PDE6C: variants seen among roughly 807,000 people sequenced by gnomAD.
The protein encoded by PDE6C is phosphodiesterase 6C, also known as cone cGMP-specific 3',5'-cyclic phosphodiesterase subunit alpha'.
PDE6C carries 75 observed loss-of-function variants against 113.1 expected under a neutral mutation model. The ratio of observed to expected loss-of-function variants is 0.66; its 90% CI spans 0.55 to 0.80. The LOEUF is 0.80. PDE6C is among the 30% of genes least tolerant of loss of function. The pLI, the probability that PDE6C is intolerant of heterozygous loss-of-function variation, is 0.00. For synonymous variants in PDE6C, 375 were observed against 363.7 expected (o/e 1.03, Z -0.35); for missense variants, 912 against 1,038.6 (o/e 0.88, Z 1.67).
At chr10:93,651,437 C>T (rs1422502171) in intron 15 of PDE6C, among the ~76,000 whole-genome samples, 1 of 152,186 alleles carries the variant, frequency 6.6e-6, no homozygotes, top group Admixed American at 6.5e-5. Flanking sequence ...GCATGTCTTA[C>T]ATGGTGGCAG....
chr10:93,628,830 C>T (rs765075597), intron 7 of PDE6C, among the ~76,000 whole-genome samples: 10 of 152,150 alleles, frequency 6.6e-5, no homozygotes, highest in Non-Finnish European at 1.5e-4. Flanking sequence ...CTGGCTGTTT[C>T]CTCCTGCCTC....
At chr10:93,660,704 T>C (rs1047075297) in intron 18 of PDE6C, among the ~76,000 whole-genome samples, 24 of 152,192 alleles carry the variant, frequency 1.6e-4, no homozygotes, top group Non-Finnish European at 2.6e-4. Context: ...TCGACATGCC[T>C]GCTCTTCTTC....
At chr10:93,650,315 T>C (rs1295764779) in intron 15 of PDE6C, among the ~76,000 whole-genome samples, 1 of 152,190 alleles carries the variant, frequency 6.6e-6, no homozygotes, top group African/African-American at 2.4e-5. Flanking sequence ...GGCACTGTTA[T>C]AGCTGTCTGC....
chr10:93,645,056 TCTCA>T (rs1564802482), intron 14 of PDE6C, among the ~76,000 whole-genome samples: 1 of 151,864 alleles, frequency 6.6e-6, no homozygotes, highest in Non-Finnish European at 1.5e-5. Flanking sequence ...TATCACATGT[TCTCA>T]CTCATATATG....
chr10:93,625,126 T>A (rs1172733353), intron 4 of PDE6C, among the ~76,000 whole-genome samples: 3 of 152,160 alleles, frequency 2.0e-5, no homozygotes, highest in Non-Finnish European at 4.4e-5. Context: ...AATTACCACC[T>A]GATACTCAAA....
intron 18 of PDE6C, among the ~76,000 whole-genome samples, chr10:93,660,489 T>G (rs905187054): frequency 6.6e-6 from 1 of 152,092 alleles, no homozygotes; most frequent in Non-Finnish European, 1.5e-5. Context: ...TGAATGAAGG[T>G]CTTATGATCT....
intron 13 of PDE6C, 105 bp from the exon 14 acceptor site, chr10:93,640,815 C>T: frequency 1.3e-6 from 1 of 783,282 alleles, no homozygotes; most frequent in Non-Finnish European, 2.2e-6. Context: ...AGTGAACTTG[C>T]TCCAGAAACC....
intron 15 of PDE6C, among the ~76,000 whole-genome samples, chr10:93,654,772 TTC>T (rs1434015902): frequency 2.0e-5 from 1 of 49,886 alleles, no homozygotes; most frequent in South Asian, 8.0e-4. Flanking sequence ...CTTTCTTTCT[TTC>T]TTTCTTTCTT....
At chr10:93,658,169 C>CAAAAAAAAAAAAAAAAAAAAAAAA (rs71031527) in intron 16 of PDE6C, among the ~76,000 whole-genome samples, 5 of 59,886 alleles carry the variant, frequency 8.3e-5, no homozygotes, top group South Asian at 9.7e-4. Flanking sequence ...GATTCTGTCT[C>CAAAAAAAAAAAAAAAAAAAAAAAA]AAAAAAAAAA....
intron 3 of PDE6C, 54 bp downstream of exon 3, chr10:93,621,034 C>T (rs1033877163): frequency 7.0e-7 from 1 of 1,425,606 alleles, no homozygotes; most frequent in Admixed American, 1.7e-5. Context: ...GACAAAGCCG[C>T]CCAGAGACAA....
chr10:93,614,463 G>T (rs998709099), intron 1 of PDE6C, among the ~76,000 whole-genome samples: 1 of 152,176 alleles, frequency 6.6e-6, no homozygotes, highest in Non-Finnish European at 1.5e-5. Context: ...GACTGCAGCT[G>T]CTTCAAGTGT....
chr10:93,642,621 C>T (rs2058565238), intron 14 of PDE6C, among the ~76,000 whole-genome samples: 1 of 152,078 alleles, frequency 6.6e-6, no homozygotes. Flanking sequence ...CCAACTACTT[C>T]TTGGTTGGGG....
At chr10:93,658,366 CGT>C (rs920251190) in intron 16 of PDE6C, among the ~76,000 whole-genome samples, 2 of 151,882 alleles carry the variant, frequency 1.3e-5, no homozygotes, top group African/African-American at 4.8e-5. Flanking sequence ...GCTGGACATC[CGT>C]GTGTTTTGGG....
At chr10:93,658,774 T>C (rs1039122755) in intron 16 of PDE6C, 127 bp from the exon 17 acceptor site, 7 of 695,910 alleles carry the variant, frequency 1.0e-5, no homozygotes, top group East Asian at 2.7e-5. Context: ...TTTCTGGCCC[T>C]GTAGACTTTG....
chr10:93,614,087 C>G (rs1449375654), intron 1 of PDE6C, among the ~76,000 whole-genome samples: 1 of 152,216 alleles, frequency 6.6e-6, no homozygotes, highest in Non-Finnish European at 1.5e-5. Flanking sequence ...TGGAGATTCT[C>G]CTGGCAGCTC....
rs2058673701 is a variant in PDE6C, at chr10:93,663,084, CA to C, written c.2425del (p.Arg809GlufsTer2). 6.2e-7 allele frequency: 1 copy of C among 1,612,956 alleles called. No individual in the cohort carries two copies. Among genetic ancestry groups the C allele is most frequent in the Non-Finnish European group, 8.5e-7 (1 of 1,179,424 alleles). On this transcript the variant is annotated frameshift_variant, in exon 21 of 22. Coordinates refer to ENST00000371447, the MANE Select transcript of PDE6C (RefSeq NM_006204.4). LOFTEE classifies it high-confidence loss of function. ...TPMLSGLQNN[R>X]VEWKSLADEY... ...CTATGCTGAGTGGTCTTCAGAATAACAGAGTAGAATGGAAATCACTAGCTGA... is the reference window on the plus strand; with the variant it reads ...CTATGCTGAGTGGTCTTCAGAATAACGAGTAGAATGGAAATCACTAGCTGA...
At chr10:93,616,212 C>A (rs987047403) in intron 1 of PDE6C, among the ~76,000 whole-genome samples, 1 of 152,194 alleles carries the variant, frequency 6.6e-6, no homozygotes, top group Non-Finnish European at 1.5e-5. Context: ...TAACTCAGGT[C>A]TTGGAGGCCT....
rs2058555330 is a variant in PDE6C, at chr10:93,640,699, G to T, written c.1737+142G>T. 6 of 747,322 alleles carry T rather than the reference G, an allele frequency of 8.0e-6. No individual in the cohort carries two copies. In the Admixed American group the frequency reaches 1.2e-4, roughly 15 times the overall value. The allele number at this position is 747,322 out of a possible 1,614,324, so 46.3% of individuals were successfully genotyped here. ...CCCTCTCCGCTGCAGATGAGTCCCA[G>T]TATCCTTGAGCACCGGTGGGATGAT... On this transcript the variant is annotated intron_variant, in intron 13 of 21. Coordinates refer to ENST00000371447, the MANE Select transcript of PDE6C (RefSeq NM_006204.4).
At chr10:93,642,226 T>C (rs1170169824) in intron 14 of PDE6C, among the ~76,000 whole-genome samples, 2 of 152,098 alleles carry the variant, frequency 1.3e-5, no homozygotes, top group Admixed American at 1.3e-4. Flanking sequence ...TAGCCGGACA[T>C]TGTGGCGTGC....
Sources: gnomAD v4.1 joint callset for allele counts (sites outside exome capture counted in the v4.1 genomes callset) on GRCh38, gnomAD v4.1.1 for gene constraint, MANE v1.5 for transcripts, NCBI Gene and HGNC (gene_info 2026-07-23, HGNC 2026-07-21) for gene names.